Variants in C9 observed in about 807,000 individuals in gnomAD.
The protein encoded by C9 is complement component C9.
A neutral mutation model predicts 65.4 loss-of-function variants in C9; 63 were observed. The ratio of observed to expected loss-of-function variants is 0.96; its 90% CI spans 0.79 to 1.19. The LOEUF is 1.19. C9 is among the 50% of genes most tolerant of loss of function. C9 has a pLI of 0.00. For missense variants in C9, 744 were observed against 670.1 expected (o/e 1.11, Z -1.22); for synonymous variants, 229 against 227.9 (o/e 1.00, Z -0.04).
chr5:39,308,127 C>T, intron 8 of C9, 103 bp downstream of exon 8: 1 of 1,085,586 alleles, frequency 9.2e-7, no homozygotes, highest in Admixed American at 1.7e-5. Flanking sequence ...AGTTTTTAAG[C>T]ACAAAGAGGA....
At chr5:39,348,530 G>A (rs1361019800) in intron 1 of C9, among the ~76,000 whole-genome samples, 1 of 152,152 alleles carries the variant, frequency 6.6e-6, no homozygotes, top group Admixed American at 6.5e-5. Context: ...AACTGGTGCT[G>A]GAGAGGATGT....
At chr5:39,317,237 C>G (rs1753583211) in intron 5 of C9, among the ~76,000 whole-genome samples, 1 of 150,918 alleles carries the variant, frequency 6.6e-6, no homozygotes, top group Admixed American at 6.6e-5. Context: ...CTCATAGACT[C>G]TGGATATTGG....
intron 9 of C9, among the ~76,000 whole-genome samples, chr5:39,295,949 A>G (rs939161530): frequency 6.6e-6 from 1 of 151,800 alleles, no homozygotes; most frequent in Non-Finnish European, 1.5e-5. Context: ...AATCTTTTCA[A>G]TAAATTGTGC....
At chr5:39,340,501 G>A (rs2111951271) in intron 4 of C9, among the ~76,000 whole-genome samples, 1 of 152,278 alleles carries the variant, frequency 6.6e-6, no homozygotes, top group South Asian at 2.1e-4. Flanking sequence ...TCTGCATATA[G>A]TCTCTATTCT....
chr5:39,334,840 G>T (rs981204776), intron 4 of C9, among the ~76,000 whole-genome samples: 1 of 152,180 alleles, frequency 6.6e-6, no homozygotes, highest in African/African-American at 2.4e-5. Context: ...ATTGAGAACG[G>T]GCCATGATGG....
rs7702829 is a variant in C9 at position 39,329,014 on chromosome 5, C to A, written c.615+2662G>T. ...GCAAATTTTTGTTCATCTCCCAAAT[C>A]TTACATTTTCATGGAGACTCAGATT... On this transcript the variant is annotated intron_variant, in intron 5 of 10. Coordinates refer to ENST00000263408, the MANE Select transcript of C9 (RefSeq NM_001737.5). 7.5e-3 allele frequency among the ~76,000 whole-genome samples: 1,147 copies of A among 152,272 alleles called. 13 individuals carry two copies. Among genetic ancestry groups the A allele is most frequent in the African/African-American group, 0.026 (1,076 of 41,558 alleles).
At chr5:39,341,731 T>G in intron 2 of C9, 31 bp from the exon 3 acceptor site, 1 of 1,610,248 alleles carries the variant, frequency 6.2e-7, no homozygotes, top group Non-Finnish European at 8.5e-7. Flanking sequence ...TGATTAGAAT[T>G]TCTAATGCCA....
At chr5:39,346,789 C>A (rs541985775) in intron 1 of C9, among the ~76,000 whole-genome samples, 1 of 152,116 alleles carries the variant, frequency 6.6e-6, no homozygotes, top group African/African-American at 2.4e-5. Flanking sequence ...ACTGGCAAAC[C>A]GAATCCAGCA....
intron 9 of C9, among the ~76,000 whole-genome samples, chr5:39,301,239 A>G (rs1278014531): frequency 2.6e-5 from 4 of 152,124 alleles, no homozygotes; most frequent in Non-Finnish European, 5.9e-5. Context: ...TGAATGCTAA[A>G]TTGGGAGACA....
At chr5:39,348,042 T>A (rs188060552) in intron 1 of C9, among the ~76,000 whole-genome samples, 158 of 151,626 alleles carry the variant, frequency 1.0e-3, no homozygotes, top group African/African-American at 3.7e-3. Flanking sequence ...AAGGCTTACA[T>A]GTTAGACCTA....
intron 4 of C9, among the ~76,000 whole-genome samples, chr5:39,334,692 G>A (rs1753927351): frequency 6.6e-6 from 1 of 150,534 alleles, no homozygotes; most frequent in South Asian, 2.1e-4. Context: ...CGGGAGGGAG[G>A]TGGGGCGGTC....
intron 1 of C9, among the ~76,000 whole-genome samples, chr5:39,345,227 C>T (rs985344628): frequency 1.3e-5 from 2 of 152,086 alleles, no homozygotes; most frequent in African/African-American, 4.8e-5. Flanking sequence ...CACAGACTGG[C>T]AAATTGGATA....
At position 39,351,964 on chromosome 5, in the gene C9, G is replaced by A. The variant is rs530335131; in HGVS notation, c.78-9768C>T. ...TAGTCTGTTCTCACATGGCTATAAA[G>A]AACTACCTGAGACTGGGTAACTTCT... On this transcript the variant is annotated intron_variant, in intron 1 of 10. Transcript: ENST00000263408. Among the ~76,000 whole-genome samples, 15 of 152,086 alleles carry A rather than the reference G, an allele frequency of 9.9e-5. 1 individual carries two copies. The highest frequency in any genetic ancestry group is 3.9e-4 in the Admixed American group (6 of 15,270).
rs1753297010 is a variant in C9 at position 39,302,145 on chromosome 5, A to T, written c.1416+4472T>A. On this transcript the variant is annotated intron_variant, in intron 9 of 10. Coordinates refer to ENST00000263408, the MANE Select transcript of C9 (RefSeq NM_001737.5). ...TGGCAATAGTTTCAGAGGAGCTTCA[A>T]ATCCTGGAGTTAAAAATTCCACAGG... is the stretch of plus-strand genomic sequence containing the variant. Among the ~76,000 whole-genome samples, 3 of 152,138 alleles carry T rather than the reference A, an allele frequency of 2.0e-5. No individual in the cohort carries two copies. In the South Asian group the frequency reaches 6.2e-4, roughly 31 times the overall value.
At chr5:39,306,474 C>T (rs2111875884) in intron 9 of C9, 143 bp downstream of exon 9, 1 of 713,138 alleles carries the variant, frequency 1.4e-6, no homozygotes, top group South Asian at 1.7e-5. Flanking sequence ...TTCTCTATGC[C>T]ATGCCTCCTT....
At chr5:39,341,797 A>C (rs1754091912) in intron 2 of C9, 97 bp from the exon 3 acceptor site, 2 of 1,128,196 alleles carry the variant, frequency 1.8e-6, no homozygotes, top group South Asian at 2.6e-5. Context: ...GCAATGAGTC[A>C]ATGGTTTTAA....
intron 1 of C9, among the ~76,000 whole-genome samples, chr5:39,357,064 C>G (rs1754424293): frequency 6.6e-6 from 1 of 152,172 alleles, no homozygotes; most frequent in Admixed American, 6.5e-5. Context: ...AGAAATGCAT[C>G]AAATGAAGAG....
chr5:39,323,903 C>A (rs1414186472), intron 5 of C9, among the ~76,000 whole-genome samples: 2 of 151,910 alleles, frequency 1.3e-5, no homozygotes, highest in East Asian at 1.9e-4. Flanking sequence ...ATGTAAAAAA[C>A]CCTAAAGACA....
At chr5:39,292,308 G>A (rs1753109878) in intron 9 of C9, among the ~76,000 whole-genome samples, 1 of 151,014 alleles carries the variant, frequency 6.6e-6, no homozygotes, top group Non-Finnish European at 1.5e-5. Context: ...AGACAAAGGG[G>A]TAATATCTTT....
Sources: allele counts gnomAD v4.1 joint callset (sites outside exome capture counted in the v4.1 genomes callset), GRCh38; gene constraint gnomAD v4.1.1; transcripts MANE v1.5; gene names NCBI Gene and HGNC (gene_info 2026-07-23, HGNC 2026-07-21).